The following CRTC1 variants were observed in gnomAD, a reference collection of about 807,000 sequenced individuals.
CRTC1 encodes the protein CREB-regulated transcription coactivator 1.
Under a neutral mutation model 66.1 loss-of-function variants are expected in CRTC1, and 18 were observed. That is an observed-to-expected ratio of 0.27 (90% CI 0.19 to 0.40). The LOEUF (loss-of-function observed/expected upper bound fraction) is 0.40, where lower values mean the gene tolerates loss of function less well. CRTC1 is among the 10% of genes least tolerant of loss of function. The pLI, the probability that CRTC1 is intolerant of heterozygous loss-of-function variation, is 1.00. For synonymous variants in CRTC1, 416 were observed against 398.8 expected (o/e 1.04, Z -0.51); for missense variants, 669 against 887.9 (o/e 0.75, Z 3.13).
At chr19:18,765,326 T>G in intron 8 of CRTC1, 78 bp from the exon 9 acceptor site, 1 of 1,532,946 alleles carries the variant, frequency 6.5e-7, no homozygotes, top group Non-Finnish European at 8.8e-7. Flanking sequence ...CCATGCAGTG[T>G]GACTGTGGGT....
chr19:18,740,638 CTT>C (rs2054090970), intron 1 of CRTC1, among the ~76,000 whole-genome samples: 1 of 152,212 alleles, frequency 6.6e-6, no homozygotes, highest in Non-Finnish European at 1.5e-5. Flanking sequence ...TCAGACCTCT[CTT>C]GGGGCCAGCT....
At chr19:18,739,375 A>C (rs2054065182) in intron 1 of CRTC1, among the ~76,000 whole-genome samples, 1 of 152,162 alleles carries the variant, frequency 6.6e-6, no homozygotes, top group Non-Finnish European at 1.5e-5. Flanking sequence ...CCAGCTGAGG[A>C]AGGGGGTGGC....
At chr19:18,723,236 T>A (rs1006504849) in intron 1 of CRTC1, among the ~76,000 whole-genome samples, 1 of 152,234 alleles carries the variant, frequency 6.6e-6, no homozygotes, top group African/African-American at 2.4e-5. Flanking sequence ...CCACTGTAAT[T>A]GCCCGGCCTA....
At chr19:18,698,079 G>T (rs1218156423) in intron 1 of CRTC1, among the ~76,000 whole-genome samples, 4 of 151,840 alleles carry the variant, frequency 2.6e-5, no homozygotes, top group Non-Finnish European at 4.4e-5. Context: ...CTCAGCAGGT[G>T]CTCGGCAGGC....
At chr19:18,708,365 T>C (rs2053311798) in intron 1 of CRTC1, among the ~76,000 whole-genome samples, 1 of 151,852 alleles carries the variant, frequency 6.6e-6, no homozygotes, top group Non-Finnish European at 1.5e-5. Flanking sequence ...GAGTTGTGGG[T>C]TCTGGAGGGG....
At chr19:18,733,189 C>T (rs1433632876) in intron 1 of CRTC1, among the ~76,000 whole-genome samples, 7 of 152,140 alleles carry the variant, frequency 4.6e-5, no homozygotes, top group Non-Finnish European at 1.5e-5. Flanking sequence ...CCTCAATTTA[C>T]CAGCTTGCAA....
chr19:18,713,782 C>T (rs2053444365), intron 1 of CRTC1, among the ~76,000 whole-genome samples: 1 of 152,244 alleles, frequency 6.6e-6, no homozygotes, highest in Non-Finnish European at 1.5e-5. Flanking sequence ...GCACAGAGCC[C>T]CTTTCTGTAC....
At chr19:18,702,516 G>A (rs2053167904) in intron 1 of CRTC1, among the ~76,000 whole-genome samples, 3 of 149,740 alleles carry the variant, frequency 2.0e-5, no homozygotes, top group Middle Eastern at 3.6e-3. Context: ...CCCATACCTG[G>A]CTTCTTAGGG....
chr19:18,690,709 TC>T (rs1316223975), intron 1 of CRTC1, among the ~76,000 whole-genome samples: 4 of 152,050 alleles, frequency 2.6e-5, no homozygotes, highest in African/African-American at 9.6e-5. Context: ...TGGCCCTAAA[TC>T]CGGTGACTGG....
intron 1 of CRTC1, among the ~76,000 whole-genome samples, chr19:18,697,328 C>T (rs373097713): frequency 9.2e-5 from 14 of 152,216 alleles, no homozygotes; most frequent in African/African-American, 2.6e-4. Flanking sequence ...TCCTTCTGGG[C>T]GAGCTTAGAC....
intron 3 of CRTC1, 30 bp from the exon 4 acceptor site, chr19:18,747,023 C>T: frequency 1.9e-6 from 3 of 1,608,378 alleles, no homozygotes; most frequent in South Asian, 1.1e-5. Flanking sequence ...GGGTCTCAGC[C>T]AGTGGCACTG....
intron 2 of CRTC1, among the ~76,000 whole-genome samples, chr19:18,745,445 G>C (rs890302109): frequency 2.0e-5 from 3 of 152,216 alleles, no homozygotes; most frequent in Non-Finnish European, 4.4e-5. Context: ...CAGGCCCGGA[G>C]AGAGAGGGCG....
intron 6 of CRTC1, among the ~76,000 whole-genome samples, chr19:18,754,622 C>T (rs1166149741): frequency 6.6e-6 from 1 of 152,238 alleles, no homozygotes; most frequent in Admixed American, 6.5e-5. Context: ...TTTTCCAGAG[C>T]TTTTGCAATA....
intron 1 of CRTC1, among the ~76,000 whole-genome samples, chr19:18,696,114 G>A (rs2052981387): frequency 1.3e-5 from 2 of 152,210 alleles, no homozygotes; most frequent in Admixed American, 1.3e-4. Flanking sequence ...TTACAGAGTG[G>A]GAGACAGGCC....
intron 1 of CRTC1, among the ~76,000 whole-genome samples, chr19:18,713,818 C>T (rs1406659423): frequency 6.6e-6 from 1 of 152,238 alleles, no homozygotes; most frequent in Non-Finnish European, 1.5e-5. Context: ...CGGGGAGGAG[C>T]TGACATCCCA....
chr19:18,745,538 C>T (rs960252614), intron 2 of CRTC1, among the ~76,000 whole-genome samples: 4 of 152,188 alleles, frequency 2.6e-5, no homozygotes, highest in African/African-American at 7.2e-5. Context: ...GCGCTGGCCC[C>T]GAGCTTGTGC....
chr19:18,685,252 G>A (rs2052660377), intron 1 of CRTC1, among the ~76,000 whole-genome samples: 1 of 152,126 alleles, frequency 6.6e-6, no homozygotes. Flanking sequence ...CCCAGGTACT[G>A]CTTTAGGCAT....
rs760653892 is a variant in CRTC1, at chr19:18,777,512, C to T, written c.*130C>T. On this transcript the variant is annotated 3_prime_UTR_variant, in exon 14 of 14. Transcript: ENST00000321949. This position sits in a 1 kb window ranked among gnomAD's most constrained non-coding sequence, Gnocchi z 5.5. ...GCTTGCAATGCCGCCAAGCGCCCCCCGCCAGCCCGCCCCCGGTTGTCCACC... is the reference window on the plus strand; with the variant it reads ...GCTTGCAATGCCGCCAAGCGCCCCCTGCCAGCCCGCCCCCGGTTGTCCACC... 8.3e-5 allele frequency: 72 copies of T among 862,402 alleles called. No homozygotes were observed. Among genetic ancestry groups the T allele is most frequent in the Non-Finnish European group, 1.1e-4 (62 of 541,122 alleles). The allele number at this position is 862,402 out of a possible 1,614,324, so 53.4% of individuals were successfully genotyped here.
intron 1 of CRTC1, among the ~76,000 whole-genome samples, chr19:18,715,073 C>G (rs539288814): frequency 1.4e-4 from 21 of 152,358 alleles, no homozygotes; most frequent in African/African-American, 5.0e-4. Context: ...AGTCCAAGAT[C>G]AAGGTGTGGG....
Sources: allele counts gnomAD v4.1 joint callset (sites outside exome capture counted in the v4.1 genomes callset), GRCh38; gene constraint gnomAD v4.1.1; non-coding constraint Gnocchi (gnomAD v3.1); transcripts MANE v1.5; gene names NCBI Gene and HGNC (gene_info 2026-07-23, HGNC 2026-07-21).